LHFPL6: variants seen among roughly 807,000 people sequenced by gnomAD.
The protein encoded by LHFPL6 is LHFPL tetraspan subfamily member 6, also known as LHFPL tetraspan subfamily member 6 protein.
A neutral mutation model predicts 20.6 loss-of-function variants in LHFPL6; 9 were observed. That is an observed-to-expected ratio of 0.44 (90% CI 0.26 to 0.76). LHFPL6 has a LOEUF of 0.76. Ranked by LOEUF, LHFPL6 falls within the 30% of genes least tolerant of loss-of-function variation. LHFPL6 has a pLI of 0.20. For synonymous variants in LHFPL6, 105 were observed against 98.7 expected (o/e 1.06, Z -0.38); for missense variants, 218 against 253.5 (o/e 0.86, Z 0.95).
chr13:39,455,109 C>T (rs1035818897), intron 2 of LHFPL6, among the ~76,000 whole-genome samples: 1 of 152,030 alleles, frequency 6.6e-6, no homozygotes, highest in Admixed American at 6.6e-5. Context: ...CATGGGCTTC[C>T]CAATCTCCAG....
At chr13:39,424,713 C>T (rs538376512) in intron 2 of LHFPL6, among the ~76,000 whole-genome samples, 147 of 152,182 alleles carry the variant, frequency 9.7e-4, no homozygotes, top group Middle Eastern at 3.4e-3. Flanking sequence ...GGTATAATTT[C>T]AGAGATCTGG....
intron 2 of LHFPL6, among the ~76,000 whole-genome samples, chr13:39,520,765 C>T (rs894953793): frequency 6.6e-6 from 1 of 152,188 alleles, no homozygotes; most frequent in Admixed American, 6.5e-5. Flanking sequence ...GCCTGAGGTA[C>T]AAGCAGTCTC....
intron 2 of LHFPL6, among the ~76,000 whole-genome samples, chr13:39,396,117 G>T (rs949737618): frequency 1.3e-5 from 2 of 152,012 alleles, no homozygotes; most frequent in African/African-American, 4.8e-5. Flanking sequence ...GGGTGTTGGG[G>T]GTGTCTCTGT....
intron 2 of LHFPL6, among the ~76,000 whole-genome samples, chr13:39,519,160 C>T (rs992528252): frequency 1.3e-5 from 2 of 151,994 alleles, no homozygotes; most frequent in African/African-American, 2.4e-5. Flanking sequence ...TGCTTGAACT[C>T]GGGAAGTAGA....
At chr13:39,488,196 C>A (rs1484327145) in intron 2 of LHFPL6, among the ~76,000 whole-genome samples, 1 of 152,316 alleles carries the variant, frequency 6.6e-6, no homozygotes, top group Non-Finnish European at 1.5e-5. Flanking sequence ...AAGGAAATAA[C>A]CTTCACTAGA....
At chr13:39,375,862 C>T (rs1566097089) in intron 3 of LHFPL6, among the ~76,000 whole-genome samples, 1 of 151,962 alleles carries the variant, frequency 6.6e-6, no homozygotes, top group South Asian at 2.1e-4. Context: ...ACCTAGAACT[C>T]ATTTTATCTG....
At chr13:39,536,925 G>T (rs145670829) in intron 2 of LHFPL6, among the ~76,000 whole-genome samples, 3 of 152,184 alleles carry the variant, frequency 2.0e-5, no homozygotes, top group Non-Finnish European at 4.4e-5. Context: ...ACCCTTAGCT[G>T]TCTCCTCTCT....
rs115909666 is a variant in LHFPL6, at chr13:39,545,295, T to G, written c.385+55537A>C. Reference sequence around the variant, plus strand: ...GACTAAGGGTAAGTGGTCAGAAATCTAACAGAACAAGTGCAGAGGGAAGGA... The same window carrying G: ...GACTAAGGGTAAGTGGTCAGAAATCGAACAGAACAAGTGCAGAGGGAAGGA... On this transcript the variant is annotated intron_variant, in intron 2 of 3. Coordinates refer to ENST00000379589, the MANE Select transcript of LHFPL6 (RefSeq NM_005780.3). 8.0e-3 allele frequency among the ~76,000 whole-genome samples: 1,177 copies of G among 147,336 alleles called. 15 individuals are homozygous for G. The highest frequency in any genetic ancestry group is 0.028 in the African/African-American group (1,115 of 40,012).
chr13:39,548,217 G>T (rs1871038705), intron 2 of LHFPL6, among the ~76,000 whole-genome samples: 1 of 151,932 alleles, frequency 6.6e-6, no homozygotes, highest in Non-Finnish European at 1.5e-5. Context: ...TCCTTCCAAA[G>T]ATTTAATAAT....
chr13:39,409,334 A>G (rs9576795), intron 2 of LHFPL6, among the ~76,000 whole-genome samples: 41,770 of 151,870 alleles, frequency 0.28, 6,069 homozygotes, highest in East Asian at 0.4. Flanking sequence ...CATGCCTGTA[A>G]TCCCAGCTAC....
chr13:39,507,115 G>T (rs1336167283), intron 2 of LHFPL6, among the ~76,000 whole-genome samples: 1 of 152,206 alleles, frequency 6.6e-6, no homozygotes, highest in Non-Finnish European at 1.5e-5. Context: ...CTGGGAAAAT[G>T]CAAGGTATGC....
intron 2 of LHFPL6, among the ~76,000 whole-genome samples, chr13:39,476,553 G>A (rs1213723639): frequency 1.3e-5 from 2 of 152,184 alleles, no homozygotes; most frequent in Non-Finnish European, 2.9e-5. Flanking sequence ...AGCCTAAAGA[G>A]ATTCTGCTGA....
intron 2 of LHFPL6, among the ~76,000 whole-genome samples, chr13:39,583,985 G>A (rs1226708032): frequency 1.3e-5 from 2 of 152,010 alleles, no homozygotes; most frequent in Non-Finnish European, 2.9e-5. Context: ...GTCAGGCCTC[G>A]ACTCCAGCCT....
intron 2 of LHFPL6, among the ~76,000 whole-genome samples, chr13:39,429,741 T>G (rs948060407): frequency 2.0e-5 from 3 of 152,218 alleles, no homozygotes; most frequent in Admixed American, 6.5e-5. Context: ...CATTCTACTT[T>G]GAACCTGTTT....
chr13:39,451,694 C>T (rs958494372), intron 2 of LHFPL6, among the ~76,000 whole-genome samples: 4 of 152,182 alleles, frequency 2.6e-5, no homozygotes, highest in African/African-American at 9.7e-5. Flanking sequence ...GCATATGTCT[C>T]TACTGTTAAT....
intron 2 of LHFPL6, among the ~76,000 whole-genome samples, chr13:39,539,438 T>C (rs889430820): frequency 2.0e-5 from 3 of 152,230 alleles, no homozygotes; most frequent in Non-Finnish European, 4.4e-5. Flanking sequence ...AGCTGATTAG[T>C]ACTTGAACAG....
chr13:39,601,481 C>T (rs748503760), intron 1 of LHFPL6, 91 bp from the exon 2 acceptor site: 4 of 339,462 alleles, frequency 1.2e-5, no homozygotes, highest in Admixed American at 4.3e-5. Flanking sequence ...AATTAATAAA[C>T]ATTGAGACTT....
At chr13:39,385,690 T>C (rs1425663992) in intron 2 of LHFPL6, among the ~76,000 whole-genome samples, 4 of 152,370 alleles carry the variant, frequency 2.6e-5, no homozygotes, top group Non-Finnish European at 4.4e-5. Context: ...TTTTCCCTTC[T>C]GCAAAACTCT....
At chr13:39,422,361 G>T (rs1871514277) in intron 2 of LHFPL6, among the ~76,000 whole-genome samples, 2 of 152,130 alleles carry the variant, frequency 1.3e-5, no homozygotes, top group Non-Finnish European at 2.9e-5. Flanking sequence ...CACTTTGGCG[G>T]ATCATCTGAT....
Sources: allele counts gnomAD v4.1 joint callset (sites outside exome capture counted in the v4.1 genomes callset), GRCh38; gene constraint gnomAD v4.1.1; transcripts MANE v1.5; gene names NCBI Gene and HGNC (gene_info 2026-07-23, HGNC 2026-07-21).